The following LDB2 variants were observed in gnomAD, a reference collection of about 807,000 sequenced individuals.
LDB2 encodes the protein LIM domain binding 2, also known as LIM domain-binding protein 2.
Under a neutral mutation model 44.3 loss-of-function variants are expected in LDB2, and 12 were observed. The observed-to-expected ratio is 0.27, with a 90% confidence interval of 0.17 to 0.44. The LOEUF (loss-of-function observed/expected upper bound fraction) is 0.44. Among genes scored for constraint, LDB2 ranks in the 20% least tolerant of loss-of-function variants. LDB2 has a pLI of 1.00. For missense variants in LDB2, 344 were observed against 473.5 expected (o/e 0.73, Z 2.54); for synonymous variants, 164 against 174.8 (o/e 0.94, Z 0.49).
intron 5 of LDB2, among the ~76,000 whole-genome samples, chr4:16,517,141 T>C (rs1724050603): frequency 6.6e-6 from 1 of 152,140 alleles, no homozygotes; most frequent in Non-Finnish European, 1.5e-5. Flanking sequence ...GGAGCTGCCA[T>C]TCCTACCCTC....
intron 1 of LDB2, among the ~76,000 whole-genome samples, chr4:16,796,537 A>G (rs1776780313): frequency 6.6e-6 from 1 of 152,218 alleles, no homozygotes; most frequent in Non-Finnish European, 1.5e-5. Flanking sequence ...CACATTTCCC[A>G]TGCAGAAGAA....
At chr4:16,544,868 T>C (rs1033266840) in intron 5 of LDB2, among the ~76,000 whole-genome samples, 7 of 151,290 alleles carry the variant, frequency 4.6e-5, no homozygotes, top group African/African-American at 1.5e-4. Flanking sequence ...AATGAAGGAG[T>C]TGTCAGCTTA....
rs573286315 is a variant in LDB2 at position 16,769,965 on chromosome 4, TC to T, written c.133-10706del. Among the ~76,000 whole-genome samples, 144 of 152,208 alleles carry T rather than the reference TC, an allele frequency of 9.5e-4. 1 individual carries two copies. The highest frequency in any genetic ancestry group is 3.3e-3 in the African/African-American group (138 of 41,532). ...TCAGTAGAAGTTACATCAGTGGTTTTCCCCCCAAAGACCTGAGAAATTCATG... is the reference window on the plus strand; with the variant it reads ...TCAGTAGAAGTTACATCAGTGGTTTTCCCCCAAAGACCTGAGAAATTCATG... On this transcript the variant is annotated intron_variant, in intron 1 of 7. Transcript: ENST00000304523.
intron 5 of LDB2, among the ~76,000 whole-genome samples, chr4:16,548,214 C>T (rs960575172): frequency 6.6e-6 from 1 of 152,066 alleles, no homozygotes; most frequent in Non-Finnish European, 1.5e-5. Flanking sequence ...GCAGGTGGCT[C>T]TGAAGAGTAT....
chr4:16,874,049 G>C (rs955061908), intron 1 of LDB2, among the ~76,000 whole-genome samples: 1 of 152,008 alleles, frequency 6.6e-6, no homozygotes, highest in Non-Finnish European at 1.5e-5. Flanking sequence ...TCCAGTCATC[G>C]CTTAACAGAC....
Position 16,502,680 on chromosome 4 carries a change from G to A in LDB2, c.1085C>T (p.Thr362Ile). 6.2e-7 allele frequency: 1 copy of A among 1,614,028 alleles called. No individual in the cohort carries two copies. The highest frequency in any genetic ancestry group is 1.7e-4 in the Middle Eastern group (1 of 6,060). The change falls in exon 8 of 8, where the codon ACC becomes ATC. Residue 362 changes from threonine to isoleucine, a missense_variant. Coordinates refer to ENST00000304523, the MANE Select transcript of LDB2 (RefSeq NM_001290.5). ...CTGGGGTGGGGGGTTTTCTGATTTG[G>A]TCTCTTGAGTGGCGGGAGGTTTACT... ...WNSKPPATQE[T>I]KSENPPPQAS...
intron 2 of LDB2, among the ~76,000 whole-genome samples, chr4:16,753,644 T>C (rs1765905900): frequency 6.6e-6 from 1 of 152,150 alleles, no homozygotes; most frequent in Non-Finnish European, 1.5e-5. Context: ...GAGAGCGAAA[T>C]GTCCCTCCAG....
chr4:16,619,474 T>C (rs939900719), intron 2 of LDB2, among the ~76,000 whole-genome samples: 4 of 152,218 alleles, frequency 2.6e-5, no homozygotes, highest in Non-Finnish European at 4.4e-5. Flanking sequence ...CCCAAACTGT[T>C]ATGTTTCTGA....
chr4:16,775,850 A>C (rs1771768190), intron 1 of LDB2, among the ~76,000 whole-genome samples: 2 of 152,172 alleles, frequency 1.3e-5, no homozygotes, highest in African/African-American at 4.8e-5. Flanking sequence ...TATCAGAGTG[A>C]GTTTTTCAAG....
intron 2 of LDB2, among the ~76,000 whole-genome samples, chr4:16,715,563 C>G (rs1423212720): frequency 6.6e-6 from 1 of 152,172 alleles, no homozygotes; most frequent in East Asian, 1.9e-4. Flanking sequence ...AGATATGAAA[C>G]AAGACTGAGA....
chr4:16,581,632 G>A (rs1486554172), intron 5 of LDB2, among the ~76,000 whole-genome samples: 2 of 152,034 alleles, frequency 1.3e-5, no homozygotes, highest in Non-Finnish European at 1.5e-5. Context: ...CCTCTGCCTT[G>A]TCTGCCTGAT....
chr4:16,522,705 A>G (rs1296891715), intron 5 of LDB2, among the ~76,000 whole-genome samples: 5 of 152,186 alleles, frequency 3.3e-5, no homozygotes. Context: ...TGATGATACA[A>G]TGGATGTCTA....
chr4:16,841,057 G>A (rs114430), intron 1 of LDB2, among the ~76,000 whole-genome samples: 95,728 of 151,940 alleles, frequency 0.63, 30,265 homozygotes, highest in Middle Eastern at 0.73. Context: ...CATAACCTGT[G>A]AAATTGTGTT....
At chr4:16,565,679 A>G (rs1211698627) in intron 5 of LDB2, among the ~76,000 whole-genome samples, 1 of 152,046 alleles carries the variant, frequency 6.6e-6, no homozygotes, top group Admixed American at 6.5e-5. Flanking sequence ...TAAAAATTTT[A>G]AAAGACTTAG....
At chr4:16,593,297 T>C (rs936241953) in intron 3 of LDB2, among the ~76,000 whole-genome samples, 2 of 152,174 alleles carry the variant, frequency 1.3e-5, no homozygotes, top group Admixed American at 6.5e-5. Flanking sequence ...AAAATAAGCA[T>C]TGGCTTCTGG....
In LDB2 at chr4:16,561,516, G is replaced by A. The variant is rs1248820760; in HGVS notation, c.615+24406C>T. Reference sequence around the variant, plus strand: ...CCTAGGAATCCAACTTACAAGGGACGTGAAGGACCTCTTCAAGGAGAACTA... The same window carrying A: ...CCTAGGAATCCAACTTACAAGGGACATGAAGGACCTCTTCAAGGAGAACTA... On this transcript the variant is annotated intron_variant, in intron 5 of 7. Coordinates refer to ENST00000304523, the MANE Select transcript of LDB2 (RefSeq NM_001290.5). Among the ~76,000 whole-genome samples, 13 of 152,282 alleles carry A rather than the reference G, an allele frequency of 8.5e-5. No homozygotes were observed. In the East Asian group the frequency reaches 1.2e-3, roughly 14 times the overall value.
At chr4:16,550,532 C>T (rs915393771) in intron 5 of LDB2, among the ~76,000 whole-genome samples, 2 of 152,140 alleles carry the variant, frequency 1.3e-5, no homozygotes, top group Admixed American at 6.5e-5. Context: ...TACATTGGTA[C>T]GTTACATCAG....
intron 1 of LDB2, among the ~76,000 whole-genome samples, chr4:16,814,014 G>A (rs1380274276): frequency 6.6e-6 from 1 of 151,912 alleles, no homozygotes; most frequent in East Asian, 1.9e-4. Context: ...TGGGACTACA[G>A]GCGCCCACCA....
chr4:16,537,576 C>T (rs770914549), intron 5 of LDB2, among the ~76,000 whole-genome samples: 4 of 152,172 alleles, frequency 2.6e-5, no homozygotes, highest in Non-Finnish European at 5.9e-5. Context: ...CAATGCTTGC[C>T]TATCTTCTAC....
Sources: gnomAD v4.1 joint callset for allele counts (sites outside exome capture counted in the v4.1 genomes callset) on GRCh38, gnomAD v4.1.1 for gene constraint, MANE v1.5 for transcripts, NCBI Gene and HGNC (gene_info 2026-07-23, HGNC 2026-07-21) for gene names.